The following SEPHS1 variants were observed in gnomAD, a reference collection of about 807,000 sequenced individuals.
The protein encoded by SEPHS1 is zincore component SEPHS1.
A neutral mutation model predicts 39.2 loss-of-function variants in SEPHS1; 7 were observed. That is an observed-to-expected ratio of 0.18 (90% CI 0.10 to 0.34). The LOEUF (loss-of-function observed/expected upper bound fraction) is 0.34, where lower values mean the gene tolerates loss of function less well. Among genes scored for constraint, SEPHS1 ranks in the 10% least tolerant of loss-of-function variants. The pLI is 1.00. For synonymous variants in SEPHS1, 190 were observed against 195.5 expected (o/e 0.97, Z 0.23); for missense variants, 253 against 514.5 (o/e 0.49, Z 4.92).
chr10:13,347,024 G>A (rs138116062), intron 1 of SEPHS1, among the ~76,000 whole-genome samples: 39 of 152,272 alleles, frequency 2.6e-4, no homozygotes, highest in Non-Finnish European at 4.3e-4. Flanking sequence ...AGGGGGTTCT[G>A]GGGGAAATGT....
chr10:13,346,267 C>T (rs926906071), intron 1 of SEPHS1, among the ~76,000 whole-genome samples: 1 of 152,176 alleles, frequency 6.6e-6, no homozygotes, highest in African/African-American at 2.4e-5. Flanking sequence ...TTACAAACCT[C>T]CAGACTGATA....
intron 7 of SEPHS1, among the ~76,000 whole-genome samples, chr10:13,325,888 T>A: frequency 1.4e-5 from 1 of 69,748 alleles, no homozygotes; most frequent in South Asian, 5.5e-4. Context: ...ACAGCGAGAC[T>A]CCGTCTCAAA....
chr10:13,347,158 T>C (rs570782476), intron 1 of SEPHS1: 2 of 150,882 alleles, frequency 1.3e-5, no homozygotes, highest in South Asian at 2.1e-4. Flanking sequence ...GTTTAGCCCT[T>C]TCCTTCCCGG....
Position 13,336,311 on chromosome 10 carries a change from C to T in SEPHS1, c.337G>A (p.Ala113Thr). ...TTGTCACATTCCGTGACCCCCATTGCATAGAGGTCACTGAGGACATTGGCA... is the reference window on the plus strand; with the variant it reads ...TTGTCACATTCCGTGACCCCCATTGTATAGAGGTCACTGAGGACATTGGCA... ...ACANVLSDLY[A>T]MGVTECDNML... The change falls in exon 4 of 9, where the codon GCA becomes ACA. Residue 113 changes from alanine to threonine, a missense_variant. Coordinates refer to ENST00000327347, the MANE Select transcript of SEPHS1 (RefSeq NM_012247.5). The T allele has an allele frequency of 1.9e-6, 3 of 1,613,944 alleles. No individual in the cohort carries two copies. The highest frequency in any genetic ancestry group is 2.5e-6 in the Non-Finnish European group (3 of 1,179,842).
At chr10:13,327,341 A>G (rs981130267) in intron 7 of SEPHS1, among the ~76,000 whole-genome samples, 1 of 152,034 alleles carries the variant, frequency 6.6e-6, no homozygotes, top group Non-Finnish European at 1.5e-5. Context: ...AAATACATAT[A>G]CTAACCATTA....
intron 5 of SEPHS1, 113 bp downstream of exon 5, chr10:13,333,704 G>A (rs1171664261): frequency 1.8e-6 from 2 of 1,116,990 alleles, no homozygotes; most frequent in Admixed American, 4.9e-5. Flanking sequence ...GCCTACCAAA[G>A]TCTGGGATCA....
At chr10:13,326,974 A>G (rs922336537) in intron 7 of SEPHS1, among the ~76,000 whole-genome samples, 18 of 152,176 alleles carry the variant, frequency 1.2e-4, no homozygotes, top group South Asian at 2.1e-4. Context: ...ACTATGGCTC[A>G]CGCCTATAAT....
Position 13,348,023 on chromosome 10 carries a change from T to G in SEPHS1, c.-102A>C, listed in dbSNP as rs1833987188. 1 of 145,854 alleles carries G rather than the reference T, an allele frequency of 6.9e-6. No homozygotes were observed. The highest frequency in any genetic ancestry group is 2.5e-5 in the African/African-American group (1 of 39,724). 9.0% of individuals were successfully genotyped at this position (145,854 alleles called of 1,614,324 possible). A position where few individuals can be genotyped will look rare whatever the true frequency, so the allele number is the denominator to read the frequency against. Reference sequence around the variant, plus strand: ...ACCGGCTCGCTTTGCGCCCTCCGCCTCCTCCCGAAAACGGGCCGCGGGCCG... The same window carrying G: ...ACCGGCTCGCTTTGCGCCCTCCGCCGCCTCCCGAAAACGGGCCGCGGGCCG... On this transcript the variant is annotated 5_prime_UTR_variant, in exon 1 of 9. Transcript: ENST00000327347.
chr10:13,346,893 C>T (rs929942329), intron 1 of SEPHS1, among the ~76,000 whole-genome samples: 1 of 152,024 alleles, frequency 6.6e-6, no homozygotes, highest in Non-Finnish European at 1.5e-5. Context: ...GTTTAAAACA[C>T]CTTGTATCAG....
intron 2 of SEPHS1, among the ~76,000 whole-genome samples, chr10:13,339,645 G>T (rs1202492907): frequency 6.6e-6 from 1 of 151,754 alleles, no homozygotes; most frequent in Non-Finnish European, 1.5e-5. Context: ...CTGGTTCCAG[G>T]ACTCCCACAG....
At chr10:13,330,726 T>C (rs374043098) in intron 5 of SEPHS1, among the ~76,000 whole-genome samples, 14 of 152,230 alleles carry the variant, frequency 9.2e-5, no homozygotes, top group East Asian at 3.9e-4. Flanking sequence ...CTTTGAAAAA[T>C]AGAATTCTGT....
chr10:13,318,994 T>G lies in SEPHS1; in HGVS notation c.*148A>C. ...AGGAAAAAAAGGCAATGGATTTTAT[T>G]TTATTAATTGTATCCACTTACAAAC... is the stretch of plus-strand genomic sequence containing the variant. On this transcript the variant is annotated 3_prime_UTR_variant, in exon 9 of 9. Transcript: ENST00000327347. The G allele has an allele frequency of 1.4e-6, 1 of 702,918 alleles. No individual in the cohort carries two copies. The highest frequency in any genetic ancestry group is 2.4e-6 in the Non-Finnish European group (1 of 420,482). The allele number at this position is 702,918 out of a possible 1,614,324, so 43.5% of individuals were successfully genotyped here. A position where few individuals can be genotyped will look rare whatever the true frequency, so the allele number is the denominator to read the frequency against.
rs1315482798 is a variant in SEPHS1, at chr10:13,333,939, T to C, written c.438A>G (p.Gln146=). The C allele has an allele frequency of 4.3e-6, 7 of 1,613,730 alleles. No homozygotes were observed. The highest frequency in any genetic ancestry group is 1.7e-6 in the Non-Finnish European group (2 of 1,179,890). The change falls in exon 5 of 9, where the codon CAA becomes CAG. Residue 146 remains glutamine (Q), a synonymous_variant. Transcript: ENST00000327347. ...ERDKVMPLII[Q]GFKDAAEEAG... Reference sequence around the variant, plus strand: ...CTTCCTCAGCTGCGTCTTTAAAACCTTGGATAATCAGAGGCATCACTTTAT... The same window carrying C: ...CTTCCTCAGCTGCGTCTTTAAAACCCTGGATAATCAGAGGCATCACTTTAT...
At chr10:13,334,004 A>T in intron 4 of SEPHS1, 33 bp from the exon 5 acceptor site, 1 of 1,575,366 alleles carries the variant, frequency 6.3e-7, no homozygotes, top group Non-Finnish European at 8.6e-7. Context: ...TAAAAAGTCA[A>T]AGAATTCTGT....
intron 2 of SEPHS1, among the ~76,000 whole-genome samples, chr10:13,343,266 C>T (rs534833063): frequency 1.4e-4 from 22 of 152,064 alleles, no homozygotes; most frequent in Non-Finnish European, 2.9e-4. Context: ...TCTCATTTCT[C>T]GACAAATAAG....
intron 2 of SEPHS1, among the ~76,000 whole-genome samples, chr10:13,344,244 C>T (rs1588550715): frequency 6.6e-6 from 1 of 152,138 alleles, no homozygotes. Context: ...TTTCCTAGGG[C>T]AATGAAGGGA....
chr10:13,336,513 T>G, intron 3 of SEPHS1, 163 bp from the exon 4 acceptor site: 4 of 651,840 alleles, frequency 6.1e-6, no homozygotes, highest in South Asian at 5.1e-5. Context: ...CTGGCAACCT[T>G]TCCTGCATCA....
In SEPHS1 at chr10:13,333,830, T is replaced by A. The variant is rs1233717375; in HGVS notation, c.547A>T (p.Asn183Tyr). Reference sequence around the variant, plus strand: ...AAATCAACTTACATGATAAATTCATTGGGTTGGCAGACAGTGGTAGCCACT... The same window carrying A: ...AAATCAACTTACATGATAAATTCATAGGGTTGGCAGACAGTGGTAGCCACT... The part of the protein sequence containing the change: ...GGVATTVCQP[N>Y]EFIMPDNAVP... The change falls in exon 5 of 9, where the codon AAT becomes TAT. Residue 183 changes from asparagine to tyrosine, a missense_variant. Physicochemically the swap from Asn to Tyr is moderately radical, Grantham distance 143 (BLOSUM62 -2). This residue lies in a region of SEPHS1 where 107 missense variants were observed against 257.1 expected (regional missense o/e 0.42). Coordinates refer to ENST00000327347, the MANE Select transcript of SEPHS1 (RefSeq NM_012247.5). The A allele has an allele frequency of 6.2e-7, 1 of 1,613,078 alleles. No individual in the cohort carries two copies.
At chr10:13,337,415 T>C (rs999079862) in intron 3 of SEPHS1, among the ~76,000 whole-genome samples, 1 of 152,254 alleles carries the variant, frequency 6.6e-6, no homozygotes, top group African/African-American at 2.4e-5. Context: ...TATCTAAATT[T>C]TTATCTTTTA....
Sources: allele counts gnomAD v4.1 joint callset (sites outside exome capture counted in the v4.1 genomes callset), GRCh38; gene constraint gnomAD v4.1.1; regional missense constraint gnomAD v4.1.1; transcripts MANE v1.5; gene names NCBI Gene and HGNC (gene_info 2026-07-23, HGNC 2026-07-21).